Variants in SLC8A2 observed in about 807,000 individuals in gnomAD.
SLC8A2 encodes the protein sodium/calcium exchanger 2.
A neutral mutation model predicts 70.2 loss-of-function variants in SLC8A2; 14 were observed. The observed-to-expected ratio is 0.20, with a 90% CI of 0.13 to 0.31. The LOEUF (loss-of-function observed/expected upper bound fraction) is 0.31. SLC8A2 is among the 10% of genes least tolerant of loss of function. The pLI is 1.00. For missense variants in SLC8A2, 779 were observed against 1,320.1 expected (o/e 0.59, Z 6.35); for synonymous variants, 575 against 594.3 (o/e 0.97, Z 0.47).
intron 3 of SLC8A2, among the ~76,000 whole-genome samples, chr19:47,449,359 G>A (rs186462854): frequency 6.6e-6 from 1 of 152,278 alleles, no homozygotes; most frequent in East Asian, 1.9e-4. Flanking sequence ...GAGTCTCGCT[G>A]TCATCCAGAC....
In SLC8A2 at chr19:47,433,686, G is replaced by A. The variant is rs141159862; in HGVS notation, c.2111-1241C>T. On this transcript the variant is annotated intron_variant, in intron 8 of 9. Transcript: ENST00000236877. Reference sequence around the variant, plus strand: ...TTTTTTTGAGACAGAGCCTCCCTCCGTTACCAAGGCAGTAGTGTGATCTCA... The same window carrying A: ...TTTTTTTGAGACAGAGCCTCCCTCCATTACCAAGGCAGTAGTGTGATCTCA... Among the ~76,000 whole-genome samples the A allele has an allele frequency of 1.7e-3, 249 of 150,134 alleles. 1 individual carries two copies. The highest frequency in any genetic ancestry group is 5.7e-3 in the African/African-American group (232 of 40,720).
Position 47,457,400 on chromosome 19 carries a change from C to A in SLC8A2, c.870G>T (p.Glu290Asp). The change falls in exon 3 of 10, where the codon GAG becomes GAT. Residue 290 changes from glutamate to aspartate, a missense_variant. Glu to Asp is a conservative substitution (Grantham distance 45, BLOSUM62 2). Transcript: ENST00000236877. ...IELDGTFVGA[E>D]APGELGGLGP... The stretch of plus-strand genomic sequence containing the variant: ...CCAGGCCGCCCAGCTCACCTGGGGC[C>A]TCGGCGCCCACGAACGTGCCGTCCA... 1 of 1,567,672 alleles carries A rather than the reference C, an allele frequency of 6.4e-7. No individual in the cohort carries two copies. Among genetic ancestry groups the A allele is most frequent in the Non-Finnish European group, 8.6e-7 (1 of 1,159,056 alleles).
At chr19:47,443,151 C>T (rs1444564435) in intron 4 of SLC8A2, among the ~76,000 whole-genome samples, 1 of 152,114 alleles carries the variant, frequency 6.6e-6, no homozygotes, top group Admixed American at 6.6e-5. Context: ...TAGAGCACAC[C>T]CTCCATGCAT....
chr19:47,431,863 C>T (rs1966967094), intron 9 of SLC8A2, among the ~76,000 whole-genome samples: 1 of 152,024 alleles, frequency 6.6e-6, no homozygotes, highest in Non-Finnish European at 1.5e-5. Flanking sequence ...CCCCTCTCCC[C>T]ACAGCTGTCT....
chr19:47,463,425 A>T (rs1599859630), intron 2 of SLC8A2, among the ~76,000 whole-genome samples: 1 of 143,342 alleles, frequency 7.0e-6, no homozygotes, highest in Admixed American at 6.9e-5. Context: ...GAGCCACAGC[A>T]CCCGGCCCAG....
chr19:47,461,188 CAA>C (rs1263335849), intron 2 of SLC8A2, among the ~76,000 whole-genome samples: 1 of 140,124 alleles, frequency 7.1e-6, no homozygotes, highest in South Asian at 2.3e-4. Flanking sequence ...GACTCTGTTT[CAA>C]AAAAAAAAGA....
intron 2 of SLC8A2, among the ~76,000 whole-genome samples, chr19:47,458,253 TCCC>T (rs914869680): frequency 1.3e-5 from 1 of 77,672 alleles, no homozygotes; most frequent in African/African-American, 5.2e-5. Flanking sequence ...CTCTCCCCTC[TCCC>T]CCAAGTTCTG....
chr19:47,445,555 G>A (rs1967150542), intron 4 of SLC8A2, among the ~76,000 whole-genome samples: 1 of 152,082 alleles, frequency 6.6e-6, no homozygotes, highest in African/African-American at 2.4e-5. Flanking sequence ...CCCCATCTCT[G>A]GGTGTCTCTC....
intron 2 of SLC8A2, 33 bp from the exon 3 acceptor site, chr19:47,457,627 C>A (rs761348842): frequency 7.0e-7 from 1 of 1,426,166 alleles, no homozygotes; most frequent in Non-Finnish European, 9.3e-7. Context: ...CGAGGCCGGG[C>A]GGGCCGCCTT....
At chr19:47,431,526 G>A (rs1216086867) in intron 9 of SLC8A2, among the ~76,000 whole-genome samples, 1 of 151,912 alleles carries the variant, frequency 6.6e-6, no homozygotes, top group African/African-American at 2.4e-5. Flanking sequence ...GCGCACGCCT[G>A]TAGTCTCAGC....
intron 4 of SLC8A2, among the ~76,000 whole-genome samples, chr19:47,446,676 G>A (rs1205072121): frequency 6.6e-6 from 1 of 152,156 alleles, no homozygotes; most frequent in Non-Finnish European, 1.5e-5. Context: ...TTCCTAAAGT[G>A]CTGGCACTAC....
At chr19:47,434,858 T>C (rs1967006451) in intron 8 of SLC8A2, among the ~76,000 whole-genome samples, 1 of 152,086 alleles carries the variant, frequency 6.6e-6, no homozygotes, top group Non-Finnish European at 1.5e-5. Context: ...TGAGGATACA[T>C]TAATTAAAAT....
chr19:47,447,806 C>A lies in SLC8A2; in HGVS notation c.1763+3G>T. 1 of 1,585,430 alleles carries A rather than the reference C, an allele frequency of 6.3e-7. No individual in the cohort carries two copies. Among genetic ancestry groups the A allele is most frequent in the South Asian group, 1.1e-5 (1 of 88,896 alleles). Reference sequence around the variant, plus strand: ...CTCTCCGGGCCGCCTCGGGCGTGCTCACATGGTCTCGTCGTCGCCAAACTC... The same window carrying A: ...CTCTCCGGGCCGCCTCGGGCGTGCTAACATGGTCTCGTCGTCGCCAAACTC... On this transcript the variant is annotated splice_donor_region_variant and intron_variant, in intron 4 of 9. Coordinates refer to ENST00000236877, the MANE Select transcript of SLC8A2 (RefSeq NM_015063.3). The surrounding 1 kb of genome is among the most constrained non-coding windows in gnomAD (Gnocchi z 5.1).
At chr19:47,456,823 G>T (rs920875873) in intron 3 of SLC8A2, 107 bp downstream of exon 3, 12 of 1,119,200 alleles carry the variant, frequency 1.1e-5, no homozygotes, top group Admixed American at 3.0e-5. Flanking sequence ...ATGAACCAAT[G>T]AATCCTGCAG....
At chr19:47,441,478 T>A (rs1158406184) in intron 4 of SLC8A2, 38 bp from the exon 5 acceptor site, 1 of 1,273,648 alleles carries the variant, frequency 7.9e-7, no homozygotes, top group Non-Finnish European at 1.1e-6. Context: ...ACACTCAGTG[T>A]AAGGCCCCCT....
At position 47,447,764 on chromosome 19, in the gene SLC8A2, A is replaced by G; in HGVS notation, c.1763+45T>C. 6.6e-7 allele frequency: 1 copy of G among 1,519,794 alleles called. No individual in the cohort carries two copies. Among genetic ancestry groups the G allele is most frequent in the Non-Finnish European group, 8.7e-7 (1 of 1,144,482 alleles). The allele number at this position is 1,519,794 out of a possible 1,614,324, so 94.1% of individuals were successfully genotyped here. A position where few individuals can be genotyped will look rare whatever the true frequency, so the allele number is the denominator to read the frequency against. Reference sequence around the variant, plus strand: ...CCCTGAGCCACATCAGGCCTCGCCCATTCCGAAGCCCCGCCCCTCTCCGGG... The same window carrying G: ...CCCTGAGCCACATCAGGCCTCGCCCGTTCCGAAGCCCCGCCCCTCTCCGGG... On this transcript the variant is annotated intron_variant, in intron 4 of 9. Transcript: ENST00000236877. This position sits in a 1 kb window ranked among gnomAD's most constrained non-coding sequence, Gnocchi z 5.1.
chr19:47,444,528 A>C (rs1967136330), intron 4 of SLC8A2, among the ~76,000 whole-genome samples: 1 of 152,062 alleles, frequency 6.6e-6, no homozygotes, highest in Admixed American at 6.6e-5. Context: ...GCGAGGAGGG[A>C]GGGTCTCCCG....
chr19:47,439,003 G>T (rs556556306), intron 6 of SLC8A2, among the ~76,000 whole-genome samples: 17 of 152,272 alleles, frequency 1.1e-4, no homozygotes, highest in East Asian at 9.7e-4. Flanking sequence ...TTGCAGCTGG[G>T]CGTGGCCACG....
intron 8 of SLC8A2, among the ~76,000 whole-genome samples, chr19:47,434,060 C>T (rs779155017): frequency 6.6e-6 from 1 of 152,226 alleles, no homozygotes; most frequent in Non-Finnish European, 1.5e-5. Flanking sequence ...GTGTGTGGCA[C>T]GCATTACATC....
Sources: allele counts gnomAD v4.1 joint callset (sites outside exome capture counted in the v4.1 genomes callset), GRCh38; gene constraint gnomAD v4.1.1; non-coding constraint Gnocchi (gnomAD v3.1); transcripts MANE v1.5; gene names NCBI Gene and HGNC (gene_info 2026-07-23, HGNC 2026-07-21).